Variants in GLDC observed in about 807,000 individuals in gnomAD.
GLDC encodes glycine decarboxylase, also known as glycine dehydrogenase (decarboxylating), mitochondrial.
Under a neutral mutation model 121.3 loss-of-function variants are expected in GLDC, and 104 were observed. That is an observed-to-expected ratio of 0.86 (90% CI 0.73 to 1.01). The LOEUF (loss-of-function observed/expected upper bound fraction) is 1.01. Ranked by LOEUF, GLDC falls within the 50% of genes least tolerant of loss-of-function variation. The pLI is 0.00. For missense variants in GLDC, 1,429 were observed against 1,306.6 expected (o/e 1.09, Z -1.44); for synonymous variants, 546 against 480.6 (o/e 1.14, Z -1.78).
intron 15 of GLDC, among the ~76,000 whole-genome samples, chr9:6,568,579 G>A (rs1817894697): frequency 1.3e-5 from 2 of 152,156 alleles, no homozygotes; most frequent in Admixed American, 1.3e-4. Flanking sequence ...CGGGCGTGGT[G>A]GCTCACACCT....
chr9:6,585,840 G>A (rs1461731311), intron 15 of GLDC, among the ~76,000 whole-genome samples: 1 of 121,828 alleles, frequency 8.2e-6, no homozygotes, highest in East Asian at 2.0e-4. Context: ...ATCTATGTAT[G>A]TATGTATGTA....
chr9:6,562,384 C>A (rs1042726836), intron 16 of GLDC, among the ~76,000 whole-genome samples: 1 of 152,092 alleles, frequency 6.6e-6, no homozygotes, highest in Non-Finnish European at 1.5e-5. Context: ...TCCCCACACT[C>A]CCTGCACATG....
At chr9:6,616,173 T>A (rs1299137860) in intron 3 of GLDC, among the ~76,000 whole-genome samples, 1 of 152,230 alleles carries the variant, frequency 6.6e-6, no homozygotes, top group Non-Finnish European at 1.5e-5. Context: ...TTAAAAAAGT[T>A]TTTAAAGCAT....
intron 2 of GLDC, among the ~76,000 whole-genome samples, chr9:6,628,558 A>AGGTG (rs1819295802): frequency 6.6e-6 from 1 of 152,212 alleles, no homozygotes; most frequent in Non-Finnish European, 1.5e-5. Flanking sequence ...TGGGAGGCCG[A>AGGTG]GGCAGAAGGA....
At position 6,587,204 on chromosome 9, in the gene GLDC, C is replaced by G; in HGVS notation, c.1787G>C (p.Arg596Pro). The change falls in exon 15 of 25, where the codon CGA becomes CCA. Residue 596 changes from arginine (R) to proline (P), a missense_variant. By Grantham distance (103) the Arg-to-Pro change is moderately radical (BLOSUM62 -2). Coordinates refer to ENST00000321612, the MANE Select transcript of GLDC (RefSeq NM_000170.3). ...TTCACACAAATCCTTCTCAAGCTCTCGGAAAAGCTGCTGATATCCTTGAGC... is the reference window on the plus strand; with the variant it reads ...TTCACACAAATCCTTCTCAAGCTCTGGGAAAAGCTGCTGATATCCTTGAGC... ...DQAQGYQQLFRELEKDLCELT... is the reference protein window; with the variant it reads ...DQAQGYQQLFPELEKDLCELT... 1 of 1,613,844 alleles carries G rather than the reference C, an allele frequency of 6.2e-7. No individual in the cohort carries two copies. Among genetic ancestry groups the G allele is most frequent in the Non-Finnish European group, 8.5e-7 (1 of 1,179,824 alleles).
intron 2 of GLDC, among the ~76,000 whole-genome samples, chr9:6,622,030 A>AC (rs2129955005): frequency 6.6e-6 from 1 of 152,188 alleles, no homozygotes; most frequent in South Asian, 2.1e-4. Flanking sequence ...GTAAAGCAAA[A>AC]CCTAAGACAG....
At chr9:6,568,375 C>G (rs932494426) in intron 15 of GLDC, among the ~76,000 whole-genome samples, 1 of 152,180 alleles carries the variant, frequency 6.6e-6, no homozygotes, top group Non-Finnish European at 1.5e-5. Flanking sequence ...ATCTACATAA[C>G]CCAGACTAAG....
chr9:6,604,782 G>C lies in GLDC; in HGVS notation c.864C>G (p.Ser288Arg). ...AAAGGTCAGTAGCACAGCAGGCCAG[G>C]CTCTAGAAAGGAAGTGAGAGAAAAG... ...ELVERAHQSGSLACCATDLLA... is the reference protein window; with the variant it reads ...ELVERAHQSGRLACCATDLLA... The change falls in exon 7 of 25, where the codon AGC (serine) becomes AGG (arginine). Residue 288 changes from serine (S) to arginine (R), a missense_variant and splice_region_variant. Transcript: ENST00000321612. 1.2e-6 allele frequency: 2 copies of C among 1,613,066 alleles called. No homozygotes were observed. The highest frequency in any genetic ancestry group is 1.7e-6 in the Non-Finnish European group (2 of 1,179,042).
chr9:6,614,066 G>C (rs1008563891), intron 3 of GLDC, among the ~76,000 whole-genome samples: 6 of 151,790 alleles, frequency 4.0e-5, no homozygotes, highest in African/African-American at 1.2e-4. Context: ...CGTGAGTCAT[G>C]TGTAATTATC....
chr9:6,629,958 T>TATGTGTGTATATATA, intron 2 of GLDC, among the ~76,000 whole-genome samples: 2 of 78,660 alleles, frequency 2.5e-5, no homozygotes, highest in African/African-American at 1.2e-4. Flanking sequence ...TATATATATA[T>TATGTGTGTATATATA]TTTTTTTTTT....
intron 24 of GLDC, chr9:6,534,206 G>GA (rs905510790): frequency 2.7e-4 from 39 of 146,608 alleles, no homozygotes; most frequent in East Asian, 1.4e-3. Flanking sequence ...AAAAAAGAAA[G>GA]AAAAAAAAAG....
At chr9:6,567,306 A>G (rs1587932845) in intron 15 of GLDC, 1 of 152,222 alleles carries the variant, frequency 6.6e-6, no homozygotes, top group East Asian at 1.9e-4. Context: ...GTCCTAGCCT[A>G]TTTGAGGTTT....
chr9:6,570,651 C>G (rs1390049204), intron 15 of GLDC, among the ~76,000 whole-genome samples: 4 of 152,032 alleles, frequency 2.6e-5, no homozygotes. Context: ...GTCAGGAGTT[C>G]GAGACCAACC....
rs768091555 is a variant in GLDC, at chr9:6,534,703, C to A, written c.2919+5G>T. ...AGCTGGCACATTCAGATTCAGAGAA[C>A]TTACGAGTGGGAATGCTGCCACCTC... On this transcript the variant is annotated splice_donor_5th_base_variant and intron_variant, in intron 24 of 24. Transcript: ENST00000321612. 2.6e-6 allele frequency: 4 copies of A among 1,531,876 alleles called. No homozygotes were observed. The highest frequency in any genetic ancestry group is 3.6e-6 in the Non-Finnish European group (4 of 1,105,336). The allele number at this position is 1,531,876 out of a possible 1,614,324, so 94.9% of individuals were successfully genotyped here.
intron 5 of GLDC, 43 bp downstream of exon 5, chr9:6,606,549 C>T: frequency 9.2e-7 from 1 of 1,085,056 alleles, no homozygotes; most frequent in Non-Finnish European, 1.4e-6. Context: ...CAGAGATGAA[C>T]ATGACATTAT....
chr9:6,583,770 G>C (rs1010495179), intron 15 of GLDC, among the ~76,000 whole-genome samples: 4 of 152,178 alleles, frequency 2.6e-5, no homozygotes, highest in African/African-American at 9.7e-5. Context: ...GACACAAAAG[G>C]ACAAATATTG....
intron 16 of GLDC, among the ~76,000 whole-genome samples, chr9:6,559,516 T>TAAAA (rs56198084): frequency 1.2e-5 from 1 of 83,276 alleles, no homozygotes; most frequent in Non-Finnish European, 2.2e-5. Flanking sequence ...ACTCCGTATT[T>TAAAA]AAAAAAAAAA....
intron 5 of GLDC, 49 bp downstream of exon 5, chr9:6,606,543 G>C (rs760068682): frequency 3.9e-6 from 4 of 1,036,660 alleles, no homozygotes; most frequent in Non-Finnish European, 1.5e-6. Flanking sequence ...AAACAGCAGA[G>C]ATGAACATGA....
intron 5 of GLDC, 112 bp from the exon 6 acceptor site, chr9:6,605,390 C>T (rs953860353): frequency 2.9e-6 from 3 of 1,045,730 alleles, no homozygotes; most frequent in Non-Finnish European, 2.9e-6. Context: ...CCCACAGTGG[C>T]CTCCCACCCC....
Sources: allele counts gnomAD v4.1 joint callset (sites outside exome capture counted in the v4.1 genomes callset), GRCh38; gene constraint gnomAD v4.1.1; transcripts MANE v1.5; gene names NCBI Gene and HGNC (gene_info 2026-07-23, HGNC 2026-07-21).